PRR5L: variants seen among roughly 807,000 people sequenced by gnomAD.
The protein encoded by PRR5L is proline rich 5 like.
Under a neutral mutation model 36.4 loss-of-function variants are expected in PRR5L, and 21 were observed. That is an observed-to-expected ratio of 0.58 (90% CI 0.41 to 0.83). The LOEUF is 0.83. Among genes scored for constraint, PRR5L ranks in the 40% least tolerant of loss-of-function variants. The pLI is 0.00. For synonymous variants in PRR5L, 188 were observed against 197.0 expected (o/e 0.95, Z 0.38); for missense variants, 381 against 473.3 (o/e 0.80, Z 1.81).
In PRR5L at chr11:36,358,710, A is replaced by G. The variant is rs562302824; in HGVS notation, c.-125-42287A>G. 2.6e-5 allele frequency among the ~76,000 whole-genome samples: 4 copies of G among 152,360 alleles called. No individual in the cohort carries two copies. In the East Asian group the frequency reaches 5.8e-4, roughly 22 times the overall value. On this transcript the variant is annotated intron_variant, in intron 1 of 8. Coordinates refer to ENST00000530639, the MANE Select transcript of PRR5L (RefSeq NM_001160167.2). ...AGAATTTGGCAGTAACTGTCAGGAA[A>G]GAAATAGAATTACAACTACAAGGAG...
chr11:36,430,802 G>A (rs1327063707), intron 4 of PRR5L, among the ~76,000 whole-genome samples: 2 of 152,152 alleles, frequency 1.3e-5, no homozygotes, highest in African/African-American at 4.8e-5. Flanking sequence ...ATACAAAATC[G>A]CACAGCTAGA....
intron 8 of PRR5L, among the ~76,000 whole-genome samples, chr11:36,460,878 G>A (rs1398443694): frequency 6.6e-6 from 1 of 152,238 alleles, no homozygotes; most frequent in East Asian, 1.9e-4. Context: ...ACCTGTCTCA[G>A]CAGCTTTCTC....
chr11:36,302,045 A>G (rs1856382119), intron 1 of PRR5L, among the ~76,000 whole-genome samples: 1 of 152,182 alleles, frequency 6.6e-6, no homozygotes. Flanking sequence ...TTGGGAGTAT[A>G]TGGGAGTTTA....
At chr11:36,417,571 C>T (rs1201189437) in intron 3 of PRR5L, among the ~76,000 whole-genome samples, 1 of 152,196 alleles carries the variant, frequency 6.6e-6, no homozygotes, top group African/African-American at 2.4e-5. Context: ...AATTGGCCCT[C>T]AAAATGCAGC....
chr11:36,450,899 G>A (rs1467889627), intron 7 of PRR5L, among the ~76,000 whole-genome samples: 2 of 152,250 alleles, frequency 1.3e-5, no homozygotes, highest in East Asian at 3.8e-4. Context: ...CACGATGACA[G>A]TATGGGTAGG....
intron 4 of PRR5L, 43 bp downstream of exon 4, chr11:36,419,346 G>A: frequency 1.3e-6 from 2 of 1,549,634 alleles, no homozygotes; most frequent in Non-Finnish European, 1.8e-6. Flanking sequence ...TCATGCATGT[G>A]GGGGCATGGA....
intron 1 of PRR5L, among the ~76,000 whole-genome samples, chr11:36,367,578 C>T (rs1184351045): frequency 6.6e-6 from 1 of 152,148 alleles, no homozygotes; most frequent in African/African-American, 2.4e-5. Flanking sequence ...ATTGATTGAC[C>T]TAAGGTTTGG....
intron 1 of PRR5L, among the ~76,000 whole-genome samples, chr11:36,352,679 C>T (rs555219298): frequency 3.5e-4 from 53 of 152,276 alleles, no homozygotes; most frequent in African/African-American, 1.3e-3. Context: ...GCTCAGAGGG[C>T]AGTGCTAATC....
intron 1 of PRR5L, among the ~76,000 whole-genome samples, chr11:36,327,824 C>T (rs1023721143): frequency 6.6e-6 from 1 of 152,180 alleles, no homozygotes; most frequent in African/African-American, 2.4e-5. Context: ...CTACTTATGA[C>T]CTGGAGGTAC....
intron 8 of PRR5L, among the ~76,000 whole-genome samples, chr11:36,461,539 C>T (rs1361246284): frequency 6.6e-6 from 1 of 152,106 alleles, no homozygotes; most frequent in East Asian, 1.9e-4. Context: ...GGGAGAATCA[C>T]TTGAACCTGG....
intron 3 of PRR5L, among the ~76,000 whole-genome samples, chr11:36,418,357 G>A (rs2133581033): frequency 6.6e-6 from 1 of 152,242 alleles, no homozygotes; most frequent in East Asian, 1.9e-4. Context: ...GTGAGGGGAG[G>A]GGGTTCTGGA....
chr11:36,446,576 C>A (rs970638763), intron 7 of PRR5L, 136 bp downstream of exon 7: 7 of 1,027,732 alleles, frequency 6.8e-6, no homozygotes, highest in Middle Eastern at 3.2e-4. Flanking sequence ...TTTGTTGGCC[C>A]GTGTTCATTC....
intron 1 of PRR5L, among the ~76,000 whole-genome samples, chr11:36,319,318 G>A (rs1374314568): frequency 6.6e-6 from 1 of 152,208 alleles, no homozygotes; most frequent in African/African-American, 2.4e-5. Flanking sequence ...GGAAGAGCCT[G>A]AGAATAGAGC....
chr11:36,417,360 C>T (rs749103765), intron 3 of PRR5L, among the ~76,000 whole-genome samples: 13 of 152,196 alleles, frequency 8.5e-5, no homozygotes, highest in Non-Finnish European at 1.2e-4. Context: ...TCAAAGCCTC[C>T]GTCCACTTGG....
In PRR5L at chr11:36,386,083, G is replaced by T. The variant is rs1324855099; in HGVS notation, c.-125-14914G>T. 2.0e-5 allele frequency among the ~76,000 whole-genome samples: 3 copies of T among 152,138 alleles called. No homozygotes were observed. The East Asian group carries it at 5.8e-4, about 29-fold the overall frequency. On this transcript the variant is annotated intron_variant, in intron 1 of 8. Transcript: ENST00000530639. ...GGCCGCAATGGAAGGATCACTTGAG[G>T]CCAGGAGTTCAAGACTAGTCTGGGC...
At chr11:36,339,228 G>A (rs1237120661) in intron 1 of PRR5L, among the ~76,000 whole-genome samples, 2 of 152,156 alleles carry the variant, frequency 1.3e-5, no homozygotes, top group Admixed American at 6.5e-5. Flanking sequence ...TGAGTAGTTG[G>A]GATTACAGGC....
Position 36,462,511 on chromosome 11 carries a change from T to C in PRR5L, c.882T>C (p.Asn294=), listed in dbSNP as rs960817949. The C allele has an allele frequency of 6.2e-7, 1 of 1,608,882 alleles. No homozygotes were observed. ...CGSVRRHTVA[N]AHSDIQLLAM... ...GCGTGCGGCGGCACACGGTGGCCAA[T>C]GCCCACTCGGACATCCAGCTGCTGG... The change falls in exon 9 of 9, where the codon AAT becomes AAC. Residue 294 remains asparagine, a synonymous_variant. Transcript: ENST00000530639.
rs1392186686 is a variant in PRR5L at position 36,377,250 on chromosome 11, C to G, written c.-125-23747C>G. ...TTTGTCCCGTGCGCTGCTGCACGCG[C>G]GCGCTCTGCGGACTAGGGTGGGCCA... is the stretch of plus-strand genomic sequence containing the variant. On this transcript the variant is annotated intron_variant, in intron 1 of 8. Coordinates refer to ENST00000530639, the MANE Select transcript of PRR5L (RefSeq NM_001160167.2). The surrounding 1 kb of genome is among the most constrained non-coding windows in gnomAD (Gnocchi z 5.1). Among the ~76,000 whole-genome samples the G allele has an allele frequency of 6.6e-6, 1 of 152,222 alleles. No homozygotes were observed. The highest frequency in any genetic ancestry group is 6.5e-5 in the Admixed American group (1 of 15,288).
intron 4 of PRR5L, among the ~76,000 whole-genome samples, chr11:36,427,483 C>T (rs1858406520): frequency 6.6e-6 from 1 of 152,152 alleles, no homozygotes; most frequent in South Asian, 2.1e-4. Context: ...TCCATCACTA[C>T]AGCTCAGCAG....
Sources: gnomAD v4.1 joint callset for allele counts (sites outside exome capture counted in the v4.1 genomes callset) on GRCh38, gnomAD v4.1.1 for gene constraint, Gnocchi (gnomAD v3.1) non-coding constraint, MANE v1.5 for transcripts, NCBI Gene and HGNC (gene_info 2026-07-23, HGNC 2026-07-21) for gene names.